Variants in MRTFA observed in about 807,000 individuals in gnomAD.
MRTFA encodes the protein myocardin-related transcription factor A.
MRTFA carries 20 observed loss-of-function variants against 83.5 expected under a neutral mutation model. The observed-to-expected ratio is 0.24, with a 90% CI of 0.17 to 0.35. The LOEUF is 0.35. MRTFA is among the 10% of genes least tolerant of loss of function. MRTFA has a pLI of 1.00. For missense variants in MRTFA, 1,200 were observed against 1,224.7 expected (o/e 0.98, Z 0.30); for synonymous variants, 659 against 541.2 (o/e 1.22, Z -3.02).
At chr22:40,515,854 A>G (rs1427531827) in intron 3 of MRTFA, among the ~76,000 whole-genome samples, 3 of 152,148 alleles carry the variant, frequency 2.0e-5, no homozygotes, top group East Asian at 1.9e-4. Context: ...TGGCGACCAC[A>G]TTTTCAGTAG....
chr22:40,426,233 CCCAGCTTTGCCTCT>C, intron 7 of MRTFA, among the ~76,000 whole-genome samples: 1 of 152,136 alleles, frequency 6.6e-6, no homozygotes, highest in East Asian at 1.9e-4. Context: ...AAACTTCCTT[CCCAGCTTTGCCTCT>C]CCTGAGCCAA....
chr22:40,606,537 C>T (rs925339385), intron 1 of MRTFA, among the ~76,000 whole-genome samples: 13 of 152,180 alleles, frequency 8.5e-5, no homozygotes, highest in African/African-American at 3.1e-4. Flanking sequence ...TAAGTAGCTT[C>T]CATGGTCCCA....
At position 40,419,355 on chromosome 22, in the gene MRTFA, C is replaced by T; in HGVS notation, c.1383G>A (p.Leu461=). ...TGGTGCCCGAGACAGGCAGTGATCG[C>T]AACTTCAGCTCCTGCTTCAGCTCTG... is the stretch of plus-strand genomic sequence containing the variant. The change falls in exon 12 of 15, where the codon TTG becomes TTA. Residue 461 remains leucine, a synonymous_variant. Coordinates refer to ENST00000355630, the MANE Select transcript of MRTFA (RefSeq NM_020831.6). The T allele has an allele frequency of 2.5e-6, 4 of 1,613,828 alleles. No individual in the cohort carries two copies. The highest frequency in any genetic ancestry group is 3.4e-6 in the Non-Finnish European group (4 of 1,180,002).
chr22:40,582,366 C>T (rs1468610513), intron 2 of MRTFA, among the ~76,000 whole-genome samples: 1 of 152,146 alleles, frequency 6.6e-6, no homozygotes, highest in East Asian at 1.9e-4. Flanking sequence ...ATGAATAATG[C>T]TATTATGAAT....
intron 2 of MRTFA, among the ~76,000 whole-genome samples, chr22:40,559,029 G>A (rs954933446): frequency 6.6e-6 from 1 of 151,874 alleles, no homozygotes; most frequent in African/African-American, 2.4e-5. Flanking sequence ...TGATCCACCT[G>A]CCCCAGCCTC....
chr22:40,431,334 T>C, intron 6 of MRTFA, 71 bp downstream of exon 6: 1 of 1,389,856 alleles, frequency 7.2e-7, no homozygotes, highest in Middle Eastern at 1.8e-4. Flanking sequence ...AGGAAGGAAA[T>C]GGGTAGTGCA....
intron 3 of MRTFA, among the ~76,000 whole-genome samples, chr22:40,526,929 A>C (rs1477850209): frequency 5.9e-5 from 9 of 151,918 alleles, no homozygotes; most frequent in African/African-American, 1.2e-4. Flanking sequence ...CCAAGATCTC[A>C]TTCCCACAAA....
chr22:40,584,375 A>G (rs1374097631), intron 2 of MRTFA, among the ~76,000 whole-genome samples: 8 of 152,298 alleles, frequency 5.3e-5, no homozygotes, highest in Middle Eastern at 3.4e-3. Flanking sequence ...CTTTTCCAAA[A>G]GCCAATAATA....
chr22:40,631,006 T>C (rs2056635812), intron 1 of MRTFA, among the ~76,000 whole-genome samples: 1 of 152,200 alleles, frequency 6.6e-6, no homozygotes, highest in Admixed American at 6.5e-5. Flanking sequence ...GCTAAACCCA[T>C]TCTACAGACA....
intron 2 of MRTFA, among the ~76,000 whole-genome samples, chr22:40,579,046 T>C (rs891498793): frequency 1.3e-5 from 2 of 152,216 alleles, no homozygotes; most frequent in African/African-American, 2.4e-5. Flanking sequence ...AGCTCAAGAC[T>C]GTGGTGAGCT....
chr22:40,491,342 TA>T (rs199971010), intron 3 of MRTFA, among the ~76,000 whole-genome samples: 8 of 147,118 alleles, frequency 5.4e-5, no homozygotes, highest in Non-Finnish European at 9.1e-5. Flanking sequence ...AAACCTGTCT[TA>T]AAAAAAAAAC....
At chr22:40,422,439 GGA>G in intron 9 of MRTFA, among the ~76,000 whole-genome samples, 1 of 152,338 alleles carries the variant, frequency 6.6e-6, no homozygotes, top group Middle Eastern at 3.4e-3. Context: ...GAACTCTGGG[GGA>G]AAAGCAGGGA....
At position 40,454,759 on chromosome 22, in the gene MRTFA, A is replaced by C. The variant is rs754195006; in HGVS notation, c.307+8462T>G. 9.2e-5 allele frequency among the ~76,000 whole-genome samples: 14 copies of C among 151,732 alleles called. No homozygotes were observed. The Middle Eastern group carries it at 0.014, about 147-fold the overall frequency. The stretch of plus-strand genomic sequence containing the variant: ...CCTAAGTAACAGAGCAAGGTCTAAG[A>C]CTCTCTTTCTTTTGTTCGTATGCAT... On this transcript the variant is annotated intron_variant, in intron 4 of 14. Coordinates refer to ENST00000355630, the MANE Select transcript of MRTFA (RefSeq NM_020831.6).
chr22:40,610,046 T>TC (rs1313228472), intron 1 of MRTFA, among the ~76,000 whole-genome samples: 1 of 144,534 alleles, frequency 6.9e-6, no homozygotes, highest in Non-Finnish European at 1.5e-5. Flanking sequence ...TTTTTCTCTT[T>TC]TTTTTTTTTT....
At chr22:40,436,002 A>T (rs139932586) in intron 4 of MRTFA, among the ~76,000 whole-genome samples, 18 of 152,260 alleles carry the variant, frequency 1.2e-4, no homozygotes, top group African/African-American at 3.9e-4. Flanking sequence ...AGTGAAGGCA[A>T]TGACACCTGA....
At chr22:40,610,229 G>T (rs980555259) in intron 1 of MRTFA, among the ~76,000 whole-genome samples, 38 of 151,870 alleles carry the variant, frequency 2.5e-4, no homozygotes, top group African/African-American at 8.7e-4. Context: ...TATATTTTTA[G>T]TAGAGATAAG....
chr22:40,550,277 T>G (rs2055425146), intron 3 of MRTFA, among the ~76,000 whole-genome samples: 1 of 152,018 alleles, frequency 6.6e-6, no homozygotes, highest in South Asian at 2.1e-4. Context: ...TTGGCAGAAC[T>G]TGGTAAGGCA....
chr22:40,485,169 G>A (rs2054155110), intron 3 of MRTFA, among the ~76,000 whole-genome samples: 1 of 152,024 alleles, frequency 6.6e-6, no homozygotes, highest in African/African-American at 2.4e-5. Flanking sequence ...GATGCAGAGT[G>A]CCACACCTAT....
intron 3 of MRTFA, among the ~76,000 whole-genome samples, chr22:40,469,888 G>A (rs917531176): frequency 1.3e-5 from 2 of 151,854 alleles, no homozygotes; most frequent in Non-Finnish European, 2.9e-5. Flanking sequence ...GACCAACCTG[G>A]GCAAAATAGC....
Sources: gnomAD v4.1 joint callset for allele counts (sites outside exome capture counted in the v4.1 genomes callset) on GRCh38, gnomAD v4.1.1 for gene constraint, MANE v1.5 for transcripts, NCBI Gene and HGNC (gene_info 2026-07-23, HGNC 2026-07-21) for gene names.